SLC12A8: variants seen among roughly 807,000 people sequenced by gnomAD.
SLC12A8 encodes solute carrier family 12 member 8, also known as cation-chloride cotransporter 9.
Under a neutral mutation model 75.6 loss-of-function variants are expected in SLC12A8, and 69 were observed. The ratio of observed to expected loss-of-function variants is 0.91; its 90% CI spans 0.75 to 1.11. The LOEUF is 1.11. Among genes scored for constraint, SLC12A8 ranks in the 50% most tolerant of loss-of-function variants. SLC12A8 has a pLI of 0.00. For synonymous variants in SLC12A8, 365 were observed against 372.8 expected (o/e 0.98, Z 0.24); for missense variants, 877 against 896.7 (o/e 0.98, Z 0.28).
chr3:125,115,616 T>G (rs1939290714), intron 8 of SLC12A8, among the ~76,000 whole-genome samples: 1 of 151,550 alleles, frequency 6.6e-6, no homozygotes, highest in Non-Finnish European at 1.5e-5. Context: ...TCAGAGAAGC[T>G]GCAGGAAACC....
At chr3:125,202,302 T>C (rs1022615495) in intron 2 of SLC12A8, among the ~76,000 whole-genome samples, 4 of 152,232 alleles carry the variant, frequency 2.6e-5, no homozygotes, top group East Asian at 1.9e-4. Flanking sequence ...TCTGAAGAGA[T>C]GTGTTTTGGC....
At position 125,120,690 on chromosome 3, in the gene SLC12A8, A is replaced by G. The variant is rs776001458; in HGVS notation, c.737-4T>C. The G allele has an allele frequency of 1.9e-6, 3 of 1,612,366 alleles. No individual in the cohort carries two copies. Among genetic ancestry groups the G allele is most frequent in the Non-Finnish European group, 2.5e-6 (3 of 1,178,958 alleles). On this transcript the variant is annotated splice_polypyrimidine_tract_variant and splice_region_variant and intron_variant, in intron 6 of 13. Transcript: ENST00000469902. ...ATGTTGAAGCCGGCCATGACTCCTGAAAGACACCCAGATGGGGAATGGGGT... is the reference window on the plus strand; with the variant it reads ...ATGTTGAAGCCGGCCATGACTCCTGGAAGACACCCAGATGGGGAATGGGGT...
At chr3:125,099,916 G>A (rs1054869894) in intron 10 of SLC12A8, among the ~76,000 whole-genome samples, 6 of 152,102 alleles carry the variant, frequency 3.9e-5, no homozygotes, top group South Asian at 4.1e-4. Flanking sequence ...CAACAAGAGC[G>A]AAACTCTGTT....
chr3:125,139,094 A>C (rs1933564938), intron 5 of SLC12A8, among the ~76,000 whole-genome samples: 1 of 152,168 alleles, frequency 6.6e-6, no homozygotes, highest in Non-Finnish European at 1.5e-5. Flanking sequence ...TTGAAAGCCC[A>C]CTTTCTCGTC....
intron 6 of SLC12A8, among the ~76,000 whole-genome samples, chr3:125,133,978 T>C (rs182270002): frequency 6.6e-6 from 1 of 152,366 alleles, no homozygotes; most frequent in East Asian, 1.9e-4. Context: ...ATAGATTGCA[T>C]TTTCTAGAAC....
chr3:125,137,537 C>G (rs1338729087), intron 5 of SLC12A8, among the ~76,000 whole-genome samples: 4 of 152,014 alleles, frequency 2.6e-5, no homozygotes, highest in Non-Finnish European at 5.9e-5. Flanking sequence ...CTCAGCCAAG[C>G]TGGACTAATG....
chr3:125,176,798 T>C (rs1322820485), intron 5 of SLC12A8, among the ~76,000 whole-genome samples: 2 of 144,214 alleles, frequency 1.4e-5, no homozygotes, highest in South Asian at 2.3e-4. Flanking sequence ...CCAGTTAGAA[T>C]GGCAATCATT....
rs1221745318 is a variant in SLC12A8 at position 125,142,744 on chromosome 3, C to A, written c.623-6962G>T. 8.5e-5 allele frequency among the ~76,000 whole-genome samples: 13 copies of A among 152,370 alleles called. No individual in the cohort carries two copies. In the East Asian group the frequency reaches 2.3e-3, roughly 27 times the overall value. On this transcript the variant is annotated intron_variant, in intron 5 of 13. Coordinates refer to ENST00000469902, the MANE Select transcript of SLC12A8 (RefSeq NM_024628.6). ...AGATGCCACGCTCCTGCCTGCAGATCGAACTCTCAGTAGCACAGTACGAGA... is the reference window on the plus strand; with the variant it reads ...AGATGCCACGCTCCTGCCTGCAGATAGAACTCTCAGTAGCACAGTACGAGA...
intron 2 of SLC12A8, among the ~76,000 whole-genome samples, chr3:125,207,422 A>G (rs901141190): frequency 1.3e-5 from 2 of 152,242 alleles, no homozygotes; most frequent in African/African-American, 4.8e-5. Flanking sequence ...AAGAAAGACA[A>G]AAGCCTCAGG....
intron 5 of SLC12A8, among the ~76,000 whole-genome samples, chr3:125,139,784 T>C (rs1301664648): frequency 6.6e-6 from 1 of 152,222 alleles, no homozygotes; most frequent in Non-Finnish European, 1.5e-5. Context: ...CCTCCGACAG[T>C]GGCTCTTAAT....
At chr3:125,164,650 C>T (rs921226788) in intron 5 of SLC12A8, among the ~76,000 whole-genome samples, 5 of 152,258 alleles carry the variant, frequency 3.3e-5, no homozygotes, top group South Asian at 2.1e-4. Flanking sequence ...AGGGTCTTGC[C>T]GGCCTGAGCG....
At chr3:125,088,201 CCCATG>C in intron 13 of SLC12A8, 104 bp downstream of exon 13, 1 of 1,072,414 alleles carries the variant, frequency 9.3e-7, no homozygotes, top group East Asian at 2.5e-5. Flanking sequence ...TTGTTAGGTT[CCCATG>C]CCACAATCCA....
In SLC12A8 at chr3:125,177,984, G is replaced by A. The variant is rs1420059965; in HGVS notation, c.391-10C>T. On this transcript the variant is annotated splice_polypyrimidine_tract_variant and intron_variant, in intron 4 of 13. Transcript: ENST00000469902. ...TGGCACCTGCAACACACTGACATGCGATTCCAGGTAGAAGAGTCAGCAGGA... is the reference window on the plus strand; with the variant it reads ...TGGCACCTGCAACACACTGACATGCAATTCCAGGTAGAAGAGTCAGCAGGA... The A allele has an allele frequency of 5.0e-6, 8 of 1,605,172 alleles. No individual in the cohort carries two copies. The highest frequency in any genetic ancestry group is 1.7e-5 in the Admixed American group (1 of 59,258).
intron 2 of SLC12A8, among the ~76,000 whole-genome samples, chr3:125,210,000 C>T (rs1347905594): frequency 6.6e-6 from 1 of 152,136 alleles, no homozygotes; most frequent in Non-Finnish European, 1.5e-5. Context: ...ATCATGAACA[C>T]CAAAGGCCTT....
chr3:125,105,859 A>G (rs1032279103), intron 10 of SLC12A8, among the ~76,000 whole-genome samples: 2 of 152,030 alleles, frequency 1.3e-5, no homozygotes, highest in Non-Finnish European at 2.9e-5. Flanking sequence ...GTGAAACCCC[A>G]TCTCTACTAA....
At chr3:125,093,646 C>G (rs1938640225) in intron 10 of SLC12A8, among the ~76,000 whole-genome samples, 2 of 152,170 alleles carry the variant, frequency 1.3e-5, no homozygotes, top group Non-Finnish European at 2.9e-5. Context: ...CTTCACAGCA[C>G]TTACCATCAT....
Position 125,190,473 on chromosome 3 carries a change from A to T in SLC12A8, c.100T>A (p.Trp34Arg), listed in dbSNP as rs1043331212. The T allele has an allele frequency of 4.8e-5, 78 of 1,614,100 alleles. No homozygotes were observed. The highest frequency in any genetic ancestry group is 1.6e-4 in the Middle Eastern group (1 of 6,084). ...QPWWKTQLFM[W>R]EPVLFGTWDG... ...CAGGTCCCAAACAGCACAGGCTCCC[A>T]CATGAACAGCTGGGTCTTCCACCAG... The change falls in exon 3 of 14, where the codon TGG (tryptophan) becomes AGG (arginine). Residue 34 changes from tryptophan (W) to arginine (R), a missense_variant. Trp to Arg is a moderately radical substitution (Grantham distance 101). Transcript: ENST00000469902.
At chr3:125,184,747 A>T (rs1450017454) in intron 4 of SLC12A8, among the ~76,000 whole-genome samples, 1 of 151,730 alleles carries the variant, frequency 6.6e-6, no homozygotes, top group East Asian at 1.9e-4. Context: ...GGGAAAGATG[A>T]GCAAAGTGAA....
At chr3:125,156,233 G>A (rs1158586465) in intron 5 of SLC12A8, among the ~76,000 whole-genome samples, 1 of 152,230 alleles carries the variant, frequency 6.6e-6, no homozygotes, top group East Asian at 1.9e-4. Flanking sequence ...AGTTCAGAGT[G>A]AGAAGGCATT....
Sources: gnomAD v4.1 joint callset for allele counts (sites outside exome capture counted in the v4.1 genomes callset) on GRCh38, gnomAD v4.1.1 for gene constraint, MANE v1.5 for transcripts, NCBI Gene and HGNC (gene_info 2026-07-23, HGNC 2026-07-21) for gene names.